Variants in RIPOR1 observed in about 807,000 individuals in gnomAD.
RIPOR1 encodes the protein rho family-interacting cell polarization regulator 1.
In RIPOR1, 58 loss-of-function variants were observed where a neutral mutation model predicts 116.5. The observed-to-expected ratio is 0.50, with a 90% CI of 0.40 to 0.62. The LOEUF (loss-of-function observed/expected upper bound fraction) is 0.62, where lower values mean the gene tolerates loss of function less well. Ranked by LOEUF, RIPOR1 falls within the 20% of genes least tolerant of loss-of-function variation. The probability of loss-of-function intolerance (pLI) is 0.00; values close to 1 mark genes in which losing one functional copy is unlikely to be tolerated. For missense variants in RIPOR1, 1,372 were observed against 1,586.2 expected (o/e 0.86, Z 2.29); for synonymous variants, 605 against 650.0 (o/e 0.93, Z 1.05).
chr16:67,538,505 G>A lies in RIPOR1; in HGVS notation c.59G>A (p.Ser20Asn). The A allele has an allele frequency of 1.9e-6, 3 of 1,612,198 alleles. No individual in the cohort carries two copies. Among genetic ancestry groups the A allele is most frequent in the Non-Finnish European group, 2.5e-6 (3 of 1,179,460 alleles). Residue 20 changes from serine to asparagine, a missense_variant, in exon 2 of 22, where the codon AGC (serine) becomes AAC (asparagine). This residue lies in a region of RIPOR1 where 165 missense variants were observed against 145.5 expected (regional missense o/e 1.13). Transcript: ENST00000042381. ...CTGCTCAGCGCCCGGGTCAATAGGA[G>A]CCAGTCCTTCGCAGGCGTCCTCGGC... ...RRLLSARVNR[S>N]QSFAGVLGSH...
In RIPOR1 at chr16:67,542,595, C is replaced by T. The variant is rs1197201459; in HGVS notation, c.1809C>T (p.His603=). Residue 603 remains histidine (H), a synonymous_variant, in exon 13 of 22, where the codon CAC becomes CAT. Transcript: ENST00000042381. This position sits in a 1 kb window ranked among gnomAD's most constrained non-coding sequence, Gnocchi z 4.6. Reference sequence around the variant, plus strand: ...TCCAGACTACCACAAGCCCCACCCACACTATGCCAAGCCCTACCCATACCA... The same window carrying T: ...TCCAGACTACCACAAGCCCCACCCATACTATGCCAAGCCCTACCCATACCA... ...GPVQTTTSPT[H]TMPSPTHTTA... is the part of the protein sequence containing the mutation. 3.7e-6 allele frequency: 6 copies of T among 1,612,968 alleles called. No individual in the cohort carries two copies. The highest frequency in any genetic ancestry group is 5.1e-6 in the Non-Finnish European group (6 of 1,179,628).
Position 67,542,914 on chromosome 16 carries a change from G to T in RIPOR1, c.2128G>T (p.Val710Phe), listed in dbSNP as rs778156896. Residue 710 changes from valine to phenylalanine, a missense_variant, in exon 13 of 22, where the codon GTC becomes TTC. Around this residue, in one of 3 missense-constraint regions of RIPOR1, gnomAD observed 1,005 missense variants for 1,144.7 expected, o/e 0.88. Transcript: ENST00000042381. The surrounding 1 kb of genome is among the most constrained non-coding windows in gnomAD (Gnocchi z 4.6). The part of the protein sequence containing the change: ...GTDSLPCSPP[V>F]SNSYTQADPM... ...TGACTCCCTTCCCTGTAGTCCCCCA[G>T]TCTCCAATTCCTACACTCAGGCAGA... 1.2e-6 allele frequency: 2 copies of T among 1,606,102 alleles called. No homozygotes were observed. The highest frequency in any genetic ancestry group is 4.5e-5 in the East Asian group (2 of 44,794).
At chr16:67,528,939 G>T in intron 1 of RIPOR1, 25 bp downstream of exon 1, 1 of 190,928 alleles carries the variant, frequency 5.2e-6, no homozygotes, top group South Asian at 6.8e-5. Flanking sequence ...CCGTTTCCGG[G>T]GCTGCAGGCC....
Position 67,538,720 on chromosome 16 carries a change from G to C in RIPOR1, c.153G>C (p.Ala51=), listed in dbSNP as rs1271261199. The part of the protein sequence containing the change: ...SPPGPPRKPP[A]LSRVSRMFSV... ...CGGGGCCCCCACGGAAGCCCCCCGCGCTCTCCCGAGTGTCCAGGATGTTTT... is the reference window on the plus strand; with the variant it reads ...CGGGGCCCCCACGGAAGCCCCCCGCCCTCTCCCGAGTGTCCAGGATGTTTT... Residue 51 remains alanine, a synonymous_variant, in exon 3 of 22, where the codon GCG becomes GCC. Transcript: ENST00000042381. 1 of 1,613,364 alleles carries C rather than the reference G, an allele frequency of 6.2e-7. No individual in the cohort carries two copies. Among genetic ancestry groups the C allele is most frequent in the East Asian group, 2.2e-5 (1 of 44,868 alleles).
chr16:67,543,905 G>T lies in RIPOR1; in HGVS notation c.2601-394G>T. ...TCCCAGAGGCCCTGGCCCCTCAACT[G>T]TCAGTCCTGGAGTGGCCTTTGCTGG... On this transcript the variant is annotated intron_variant, in intron 14 of 21. Coordinates refer to ENST00000042381, the MANE Select transcript of RIPOR1 (RefSeq NM_024519.4). This position sits in a 1 kb window ranked among gnomAD's most constrained non-coding sequence, Gnocchi z 4.7. The T allele has an allele frequency of 2.8e-6, 1 of 359,792 alleles. No individual in the cohort carries two copies. The highest frequency in any genetic ancestry group is 5.2e-6 in the Non-Finnish European group (1 of 193,798). The allele number at this position is 359,792 out of a possible 1,614,324, so 22.3% of individuals were successfully genotyped here. A position where few individuals can be genotyped will look rare whatever the true frequency, so the allele number is the denominator to read the frequency against.
intron 1 of RIPOR1, among the ~76,000 whole-genome samples, chr16:67,523,694 T>G (rs2050516258): frequency 6.6e-6 from 1 of 151,822 alleles, no homozygotes; most frequent in South Asian, 2.1e-4. Flanking sequence ...CTTTTTTTTT[T>G]TTTTGAGACA....
chr16:67,538,083 G>A lies in RIPOR1; in HGVS notation c.-23-341G>A, dbSNP rs181548675. 1,501 of 253,670 alleles carry A rather than the reference G, an allele frequency of 5.9e-3. 28 individuals carry two copies. The highest frequency in any genetic ancestry group is 0.031 in the African/African-American group (1,396 of 45,130). The allele number at this position is 253,670 out of a possible 1,614,324, so 15.7% of individuals were successfully genotyped here. On this transcript the variant is annotated intron_variant, in intron 1 of 21. Transcript: ENST00000042381. The stretch of plus-strand genomic sequence containing the variant: ...AGGCTGCCCCGCCCCCGGGTAAACA[G>A]GCGCTTCCGCACATTCTTCGCGCGC...
In RIPOR1 at chr16:67,540,119, C is replaced by A. The variant is rs201301988; in HGVS notation, c.481C>A (p.Arg161Ser). 3 of 1,614,182 alleles carry A rather than the reference C, an allele frequency of 1.9e-6. No individual in the cohort carries two copies. Among genetic ancestry groups the A allele is most frequent in the South Asian group, 2.2e-5 (2 of 91,088 alleles). ...CCGGGATGGTGCCTACAACATGGTC[C>A]GTGCCTACACCACTGGGTCCCCGGG... is the stretch of plus-strand genomic sequence containing the variant. ...RLRDGAYNMV[R>S]AYTTGSPGSR... The change falls in exon 7 of 22, where the codon CGT (arginine) becomes AGT (serine). Residue 161 changes from arginine (R) to serine (S), a missense_variant. This residue lies in a region of RIPOR1 where 202 missense variants were observed against 295.9 expected (regional missense o/e 0.68). Transcript: ENST00000042381. This position sits in a 1 kb window ranked among gnomAD's most constrained non-coding sequence, Gnocchi z 4.7.
chr16:67,538,810 G>T lies in RIPOR1; in HGVS notation c.243G>T (p.Leu81=). Residue 81 remains leucine, a synonymous_variant, in exon 3 of 22, where the codon CTG becomes CTT. Coordinates refer to ENST00000042381, the MANE Select transcript of RIPOR1 (RefSeq NM_024519.4). The part of the protein sequence containing the change: ...PERLDLVYTA[L]KRGLTAYLEV... ...GGCTGGACCTGGTGTACACGGCGCT[G>T]AAGCGGGGCCTGACGTGAGCAGCTC... is the stretch of plus-strand genomic sequence containing the variant. 1 of 1,613,188 alleles carries T rather than the reference G, an allele frequency of 6.2e-7. No homozygotes were observed. Among genetic ancestry groups the T allele is most frequent in the African/African-American group, 1.3e-5 (1 of 75,070 alleles).
rs771709161 is a variant in RIPOR1 at position 67,544,945 on chromosome 16, C to A, written c.2870-11C>A. ...TGCCTGTTGCTGACGGTTTCCCTCA[C>A]CCCCTCACAGTGGTGCAGTTCTCGG... On this transcript the variant is annotated splice_polypyrimidine_tract_variant and intron_variant, in intron 16 of 21. Transcript: ENST00000042381. The surrounding 1 kb of genome is among the most constrained non-coding windows in gnomAD (Gnocchi z 5.1). 1 of 1,610,734 alleles carries A rather than the reference C, an allele frequency of 6.2e-7. No homozygotes were observed. The highest frequency in any genetic ancestry group is 1.3e-5 in the African/African-American group (1 of 75,064).
At chr16:67,538,388 C>T in intron 1 of RIPOR1, 36 bp from the exon 2 acceptor site, 4 of 1,528,080 alleles carry the variant, frequency 2.6e-6, no homozygotes, top group Non-Finnish European at 3.5e-6. Flanking sequence ...CTTCGGGGAT[C>T]CGACTGGTAC....
At chr16:67,539,922 GA>G in intron 6 of RIPOR1, 23 bp downstream of exon 6, 1 of 1,614,180 alleles carries the variant, frequency 6.2e-7, no homozygotes, top group East Asian at 2.2e-5. Context: ...CATGTGTGCA[GA>G]GTGGGGTGGG....
At position 67,531,286 on chromosome 16, in the gene RIPOR1, G is replaced by A. The variant is rs2142434322; in HGVS notation, c.-24+2372G>A. ...ACCAACAAACAGCTCAGGACCTGCT[G>A]TTCCTGTGTCTAGGCAGCCCAGCTT... is the stretch of plus-strand genomic sequence containing the variant. On this transcript the variant is annotated intron_variant, in intron 1 of 21. Coordinates refer to ENST00000042381, the MANE Select transcript of RIPOR1 (RefSeq NM_024519.4). This position sits in a 1 kb window ranked among gnomAD's most constrained non-coding sequence, Gnocchi z 4.2. Among the ~76,000 whole-genome samples, 1 of 152,122 alleles carries A rather than the reference G, an allele frequency of 6.6e-6. No homozygotes were observed. Among genetic ancestry groups the A allele is most frequent in the South Asian group, 2.1e-4 (1 of 4,820 alleles).
At position 67,545,087 on chromosome 16, in the gene RIPOR1, T is replaced by C. The variant is rs1409259314; in HGVS notation, c.3001T>C (p.Ser1001Pro). ...CTGCAACCAGTATGGTGCCCGCCTC[T>C]CCCTGCGCCAGCCAGGCTTGGCTGA... The part of the protein sequence containing the change: ...TFCNQYGARL[S>P]LRQPGLAEAV... The change falls in exon 17 of 22, where the codon TCC becomes CCC. Residue 1001 changes from serine to proline, a missense_variant. By Grantham distance (74) the Ser-to-Pro change is moderately conservative. Transcript: ENST00000042381. The surrounding 1 kb of genome is among the most constrained non-coding windows in gnomAD (Gnocchi z 4.8). The C allele has an allele frequency of 1.2e-6, 2 of 1,613,200 alleles. No homozygotes were observed. The highest frequency in any genetic ancestry group is 2.2e-5 in the South Asian group (2 of 91,086).
At chr16:67,534,311 G>A (rs187507017) in intron 1 of RIPOR1, among the ~76,000 whole-genome samples, 9 of 151,718 alleles carry the variant, frequency 5.9e-5, no homozygotes, top group African/African-American at 2.2e-4. Flanking sequence ...ATAGAGTCAG[G>A]GTTTCACCAT....
intron 1 of RIPOR1, among the ~76,000 whole-genome samples, chr16:67,521,495 G>A (rs988298493): frequency 2.0e-5 from 3 of 152,330 alleles, no homozygotes; most frequent in African/African-American, 7.2e-5. Context: ...GGCTGAAAGG[G>A]TCCCAGGGGA....
At position 67,545,338 on chromosome 16, in the gene RIPOR1, C is replaced by A; in HGVS notation, c.3032-38C>A. ...ATCTCTCCCCTCTAAAAGCTGTGTT[C>A]ACCCAAACTCTGAGGCCCATGCTAC... is the stretch of plus-strand genomic sequence containing the variant. On this transcript the variant is annotated intron_variant, in intron 17 of 21. Coordinates refer to ENST00000042381, the MANE Select transcript of RIPOR1 (RefSeq NM_024519.4). This position sits in a 1 kb window ranked among gnomAD's most constrained non-coding sequence, Gnocchi z 4.8. The A allele has an allele frequency of 6.3e-7, 1 of 1,598,940 alleles. No homozygotes were observed. Among genetic ancestry groups the A allele is most frequent in the South Asian group, 1.1e-5 (1 of 90,118 alleles).
At position 67,541,841 on chromosome 16, in the gene RIPOR1, C is replaced by T; in HGVS notation, c.1081-26C>T. 6.2e-7 allele frequency: 1 copy of T among 1,612,276 alleles called. No individual in the cohort carries two copies. Among genetic ancestry groups the T allele is most frequent in the Non-Finnish European group, 8.5e-7 (1 of 1,178,646 alleles). ...CCCCAGAGGCTCCCTGGGGGTGGTT[C>T]TGAAATGCCCTCTCCTCTTTCTCAG... On this transcript the variant is annotated intron_variant, in intron 12 of 21. Coordinates refer to ENST00000042381, the MANE Select transcript of RIPOR1 (RefSeq NM_024519.4). The surrounding 1 kb of genome is among the most constrained non-coding windows in gnomAD (Gnocchi z 4.6).
rs1224536863 is a variant in RIPOR1, at chr16:67,530,023, T to C, written c.-24+1109T>C. The C allele has an allele frequency of 4.6e-6, 3 of 645,744 alleles. No individual in the cohort carries two copies. The highest frequency in any genetic ancestry group is 3.6e-5 in the African/African-American group (2 of 55,932). The allele number at this position is 645,744 out of a possible 1,614,324, so 40.0% of individuals were successfully genotyped here. ...TCCAGCGGGACAAGGAGGACTGGCA[T>C]AGCTCCTTCTTCCACCGCCCTCTCC... On this transcript the variant is annotated intron_variant, in intron 1 of 21. Coordinates refer to ENST00000042381, the MANE Select transcript of RIPOR1 (RefSeq NM_024519.4). This position sits in a 1 kb window ranked among gnomAD's most constrained non-coding sequence, Gnocchi z 4.5.
Sources: gnomAD v4.1 joint callset for allele counts (sites outside exome capture counted in the v4.1 genomes callset) on GRCh38, gnomAD v4.1.1 for gene constraint, gnomAD v4.1.1 regional missense constraint, Gnocchi (gnomAD v3.1) non-coding constraint, MANE v1.5 for transcripts, NCBI Gene and HGNC (gene_info 2026-07-23, HGNC 2026-07-21) for gene names.